The following CSMD1 variants were observed in gnomAD, a reference collection of about 807,000 sequenced individuals.
The protein encoded by CSMD1 is CUB and sushi domain-containing protein 1.
Under a neutral mutation model 417.5 loss-of-function variants are expected in CSMD1, and 213 were observed. The ratio of observed to expected loss-of-function variants is 0.51; its 90% CI spans 0.46 to 0.57. CSMD1 has a LOEUF of 0.57. CSMD1 is among the 20% of genes least tolerant of loss of function. The probability of loss-of-function intolerance (pLI) is 0.00; values close to 1 mark genes in which losing one functional copy is unlikely to be tolerated. For missense variants in CSMD1, 6,923 were observed against 4,529.7 expected (o/e 1.53, Z -15.17); for synonymous variants, 2,862 against 1,736.8 (o/e 1.65, Z -16.11).
chr8:3,677,906 T>A (rs1267150156), intron 7 of CSMD1, among the ~76,000 whole-genome samples: 1 of 152,120 alleles, frequency 6.6e-6, no homozygotes, highest in Non-Finnish European at 1.5e-5. Flanking sequence ...CACCTCCCAC[T>A]AATAGAGCTG....
At chr8:4,672,445 C>A (rs1440684785) in intron 1 of CSMD1, among the ~76,000 whole-genome samples, 1 of 152,008 alleles carries the variant, frequency 6.6e-6, no homozygotes, top group Admixed American at 6.6e-5. Context: ...TAAAATAACC[C>A]ATTTTCTCAA....
At chr8:4,725,007 A>C (rs1250843338) in intron 1 of CSMD1, among the ~76,000 whole-genome samples, 1 of 152,200 alleles carries the variant, frequency 6.6e-6, no homozygotes, top group Admixed American at 6.5e-5. Context: ...AAAGTCGTGA[A>C]AGAACACGTT....
intron 1 of CSMD1, among the ~76,000 whole-genome samples, chr8:4,724,831 T>A (rs554305703): frequency 2.0e-5 from 3 of 152,114 alleles, no homozygotes; most frequent in Non-Finnish European, 4.4e-5. Context: ...GAATATAGCC[T>A]GTATGTTTAA....
chr8:3,415,540 G>A (rs1416663611), intron 12 of CSMD1, among the ~76,000 whole-genome samples: 6 of 152,070 alleles, frequency 3.9e-5, no homozygotes, highest in South Asian at 4.1e-4. Context: ...GTATTTTTTA[G>A]CAGCGATGGA....
chr8:3,967,574 T>G (rs756217297), intron 5 of CSMD1, among the ~76,000 whole-genome samples: 10 of 152,196 alleles, frequency 6.6e-5, no homozygotes, highest in Non-Finnish European at 1.3e-4. Context: ...ATCACCAGCT[T>G]GACCTCTGTG....
intron 6 of CSMD1, among the ~76,000 whole-genome samples, chr8:3,752,826 C>T (rs1797427097): frequency 6.6e-6 from 1 of 152,110 alleles, no homozygotes; most frequent in Non-Finnish European, 1.5e-5. Context: ...TTCTCAGCAC[C>T]CTCTGCATTT....
At chr8:4,078,685 G>C (rs1381645993) in intron 3 of CSMD1, among the ~76,000 whole-genome samples, 1 of 149,152 alleles carries the variant, frequency 6.7e-6, no homozygotes, top group Non-Finnish European at 1.5e-5. Context: ...CTGTATTCTT[G>C]CTAATAAATG....
At chr8:3,536,874 G>C (rs1485168972) in intron 10 of CSMD1, among the ~76,000 whole-genome samples, 4 of 152,142 alleles carry the variant, frequency 2.6e-5, no homozygotes, top group African/African-American at 9.7e-5. Context: ...AAGAATCCCA[G>C]GTAGAGAAAA....
At chr8:4,245,172 T>A (rs1481259621) in intron 3 of CSMD1, among the ~76,000 whole-genome samples, 1 of 152,188 alleles carries the variant, frequency 6.6e-6, no homozygotes, top group Non-Finnish European at 1.5e-5. Flanking sequence ...TCATTCCCCA[T>A]CTTATTAGTG....
rs1252836923 is a variant in CSMD1, at chr8:3,889,489, AT to A, written c.818+108413del. Reference sequence around the variant, plus strand: ...TATATATATATATATATATATATATATATAAAATATGCTCATTAGGTCATGA... The same window carrying A: ...TATATATATATATATATATATATATAATAAAATATGCTCATTAGGTCATGA... On this transcript the variant is annotated intron_variant, in intron 5 of 69. Transcript: ENST00000635120. Among the ~76,000 whole-genome samples, 23 of 96,504 alleles carry A rather than the reference AT, an allele frequency of 2.4e-4. 1 individual carries two copies. The East Asian group carries it at 4.6e-3, about 19-fold the overall frequency. 63.3% of individuals were successfully genotyped at this position (96,504 alleles called of 152,430 possible). A position where few individuals can be genotyped will look rare whatever the true frequency, so the allele number is the denominator to read the frequency against.
chr8:3,949,963 G>A (rs1246002770), intron 5 of CSMD1: 1 of 455,968 alleles, frequency 2.2e-6, no homozygotes, highest in Non-Finnish European at 4.4e-6. Context: ...TGCCAGCAGA[G>A]CGACGTGTCT....
chr8:4,394,595 G>A (rs990660309), intron 3 of CSMD1, among the ~76,000 whole-genome samples: 1 of 152,110 alleles, frequency 6.6e-6, no homozygotes, highest in Non-Finnish European at 1.5e-5. Context: ...GCCCCCAGTA[G>A]CTGCAGGAAG....
In CSMD1 at chr8:4,963,058, C is replaced by T. The variant is rs546225496; in HGVS notation, c.85+31274G>A. Reference sequence around the variant, plus strand: ...CACCTTACTCCTGCATGGAACTGCACCCAGGAGCTCAGGTGTTATGCCTCT... The same window carrying T: ...CACCTTACTCCTGCATGGAACTGCATCCAGGAGCTCAGGTGTTATGCCTCT... On this transcript the variant is annotated intron_variant, in intron 1 of 69. Transcript: ENST00000635120. Among the ~76,000 whole-genome samples, 30 of 152,236 alleles carry T rather than the reference C, an allele frequency of 2.0e-4. 1 individual carries two copies. In the South Asian group the frequency reaches 6.2e-3, roughly 32 times the overall value.
intron 23 of CSMD1, among the ~76,000 whole-genome samples, chr8:3,325,137 T>C (rs1419276887): frequency 1.3e-5 from 2 of 152,170 alleles, no homozygotes; most frequent in East Asian, 1.9e-4. Flanking sequence ...ATAACAAAAA[T>C]CAAAATCAGC....
At chr8:3,790,958 A>G (rs1799704156) in intron 5 of CSMD1, among the ~76,000 whole-genome samples, 1 of 152,204 alleles carries the variant, frequency 6.6e-6, no homozygotes, top group South Asian at 2.1e-4. Context: ...AACTCACAGG[A>G]AAGATGGTCA....
At chr8:4,750,676 T>A (rs557532778) in intron 1 of CSMD1, among the ~76,000 whole-genome samples, 9 of 152,252 alleles carry the variant, frequency 5.9e-5, no homozygotes, top group African/African-American at 2.2e-4. Context: ...TATTACAAAT[T>A]CATTGTGATT....
rs148138802 is a variant in CSMD1 at position 4,230,924 on chromosome 8, TCTC to T, written c.415+189026_415+189028del. Among the ~76,000 whole-genome samples, 1,191 of 152,302 alleles carry T rather than the reference TCTC, an allele frequency of 7.8e-3. 10 individuals are homozygous for T. Among genetic ancestry groups the T allele is most frequent in the African/African-American group, 0.026 (1,094 of 41,560 alleles). Reference sequence around the variant, plus strand: ...AATATTATATGCTGTGATTTTTTAATCTCCTGTTTTTTTCTACTTGGAAAACAT... The same window carrying T: ...AATATTATATGCTGTGATTTTTTAATCTGTTTTTTTCTACTTGGAAAACAT... On this transcript the variant is annotated intron_variant, in intron 3 of 69. Transcript: ENST00000635120.
Position 3,998,798 on chromosome 8 carries a change from G to T in CSMD1, c.611-688C>A, listed in dbSNP as rs570081088. Among the ~76,000 whole-genome samples, 19 of 151,462 alleles carry T rather than the reference G, an allele frequency of 1.3e-4. No individual in the cohort carries two copies. In the South Asian group the frequency reaches 3.9e-3, roughly 31 times the overall value. On this transcript the variant is annotated intron_variant, in intron 4 of 69. Transcript: ENST00000635120. ...AACAGATCTTGGTAAGTTTGCTATAGAGTAAAAAAGCTTCTTTGTTACATT... is the reference window on the plus strand; with the variant it reads ...AACAGATCTTGGTAAGTTTGCTATATAGTAAAAAAGCTTCTTTGTTACATT...
rs561240996 is a variant in CSMD1, at chr8:4,141,450, C to T, written c.416-109351G>A. Among the ~76,000 whole-genome samples, 5 of 151,232 alleles carry T rather than the reference C, an allele frequency of 3.3e-5. 1 individual carries two copies. Among genetic ancestry groups the T allele is most frequent in the Admixed American group, 2.0e-4 (3 of 15,246 alleles). On this transcript the variant is annotated intron_variant, in intron 3 of 69. Transcript: ENST00000635120. ...TACCTATCATTTAGATAGCATTTCA[C>T]GGTTTAACACTGCTTTTGTATACAA...
Sources: gnomAD v4.1 joint callset for allele counts (sites outside exome capture counted in the v4.1 genomes callset) on GRCh38, gnomAD v4.1.1 for gene constraint, MANE v1.5 for transcripts, NCBI Gene and HGNC (gene_info 2026-07-23, HGNC 2026-07-21) for gene names.